Variants in TAF2 observed in about 807,000 individuals in gnomAD.
TAF2 encodes TATA-box binding protein associated factor 2, also known as transcription initiation factor TFIID subunit 2.
In TAF2, 61 loss-of-function variants were observed where a neutral mutation model predicts 138.5. The ratio of observed to expected loss-of-function variants is 0.44; its 90% CI spans 0.36 to 0.54. The LOEUF (loss-of-function observed/expected upper bound fraction) is 0.54, where lower values mean the gene tolerates loss of function less well. Among genes scored for constraint, TAF2 ranks in the 20% least tolerant of loss-of-function variants. The probability of loss-of-function intolerance (pLI) is 0.00; values close to 1 mark genes in which losing one functional copy is unlikely to be tolerated. For missense variants in TAF2, 1,090 were observed against 1,427.9 expected, an observed-to-expected ratio of 0.76 and a Z score of 3.81; for synonymous variants, 475 against 469.9, an observed-to-expected ratio of 1.01 and a Z score of -0.14.
At chr8:119,735,287 C>T (rs868175170) in intron 25 of TAF2, among the ~76,000 whole-genome samples, 2 of 152,216 alleles carry the variant, frequency 1.3e-5, no homozygotes, top group Middle Eastern at 3.4e-3. Flanking sequence ...TCCCCTACCC[C>T]GCCCCCTCTA....
chr8:119,786,644 G>A (rs1359084961), intron 14 of TAF2, among the ~76,000 whole-genome samples: 3 of 152,130 alleles, frequency 2.0e-5, no homozygotes, highest in African/African-American at 7.2e-5. Context: ...TACATAGGCC[G>A]GGCATGGTAG....
At position 119,803,979 on chromosome 8, in the gene TAF2, A is replaced by T. The variant is rs1824442087; in HGVS notation, c.459T>A (p.Asp153Glu). 1 of 1,614,100 alleles carries T rather than the reference A, an allele frequency of 6.2e-7. No homozygotes were observed. ...VLKIHINFSL[D>E]QPKGGLHFVV... The stretch of plus-strand genomic sequence containing the variant: ...CAAAATGAAGACCTCCTTTGGGCTG[A>T]TCCAAAGAAAAATTGATGTGTATCT... Residue 153 changes from aspartate to glutamate, a missense_variant, in exon 5 of 26, where the codon GAT (aspartate) becomes GAA (glutamate). Physicochemically the swap from Asp to Glu is conservative, Grantham distance 45. Transcript: ENST00000378164.
At chr8:119,805,724 T>A (rs542140454) in intron 4 of TAF2, among the ~76,000 whole-genome samples, 7 of 149,578 alleles carry the variant, frequency 4.7e-5, no homozygotes, top group South Asian at 4.3e-4. Flanking sequence ...CAAAAAAAAA[T>A]TTTTTTTTTA....
chr8:119,770,623 A>G (rs7843034), intron 18 of TAF2, among the ~76,000 whole-genome samples: 26,192 of 152,090 alleles, frequency 0.17, 4,050 homozygotes, highest in African/African-American at 0.42. Context: ...AAAGGATGAC[A>G]CTCACCAACA....
chr8:119,791,397 C>G lies in TAF2; in HGVS notation c.1340G>C (p.Ser447Thr), dbSNP rs9297605. The G allele has an allele frequency of 0.69, 1,115,914 of 1,612,938 alleles. 388,017 individuals are homozygous for G. The highest frequency in any genetic ancestry group is 0.81 in the Middle Eastern group (4,920 of 6,052). ...AAGGTGGGCTTTACACTGAAACATA[C>G]TGTAGTATTCCCAGGACAGTGTATG... ...HPHTLSWEYY[S>T]MFQCKAHLVM... Residue 447 changes from serine to threonine, a missense_variant, in exon 11 of 26, where the codon AGT becomes ACT. By Grantham distance (58) the Ser-to-Thr change is moderately conservative. Around this residue, in one of 3 missense-constraint regions of TAF2, gnomAD observed 504 missense variants for 680.9 expected, o/e 0.74. Transcript: ENST00000378164.
intron 18 of TAF2, among the ~76,000 whole-genome samples, chr8:119,771,437 T>C (rs13274245): frequency 1.3e-5 from 2 of 152,084 alleles, no homozygotes; most frequent in African/African-American, 4.8e-5. Flanking sequence ...GGTTTCACCA[T>C]GTTGGCCAGG....
chr8:119,746,412 A>G (rs1454911686), intron 23 of TAF2, among the ~76,000 whole-genome samples: 1 of 144,746 alleles, frequency 6.9e-6, no homozygotes, highest in Non-Finnish European at 1.5e-5. Context: ...ATTCGTTTCT[A>G]TCTTTTGCTA....
intron 20 of TAF2, 136 bp downstream of exon 20, chr8:119,760,463 T>C (rs1222698834): frequency 4.1e-6 from 4 of 975,072 alleles, no homozygotes; most frequent in Non-Finnish European, 5.9e-6. Flanking sequence ...TCAAAGATGA[T>C]TTCTAAATCA....
rs965207157 is a variant in TAF2, at chr8:119,764,145, C to CA, written c.2365-1538dup. Among the ~76,000 whole-genome samples, 12 of 150,338 alleles carry CA rather than the reference C, an allele frequency of 8.0e-5. No homozygotes were observed. The East Asian group carries it at 1.6e-3, about 19-fold the overall frequency. On this transcript the variant is annotated intron_variant, in intron 18 of 25. Transcript: ENST00000378164. ...TGGGTGAGAGAGCCAGACTCCATCT[C>CA]AAAAAAAATAAAATAAAATAAAATA...
intron 4 of TAF2, 109 bp downstream of exon 4, chr8:119,806,174 T>C (rs897097956): frequency 1.0e-6 from 1 of 978,674 alleles, no homozygotes; most frequent in Non-Finnish European, 1.6e-6. Flanking sequence ...AGTGCTGGGA[T>C]TACAGGCATG....
chr8:119,744,840 T>C (rs1328966891), intron 23 of TAF2: 1 of 441,378 alleles, frequency 2.3e-6, no homozygotes, highest in Non-Finnish European at 4.5e-6. Context: ...AGAAGGTGAA[T>C]ATCCTACACT....
At chr8:119,818,117 A>G (rs1278774475) in intron 3 of TAF2, among the ~76,000 whole-genome samples, 4 of 152,256 alleles carry the variant, frequency 2.6e-5, no homozygotes, top group Admixed American at 6.5e-5. Flanking sequence ...TCTAAAAATA[A>G]GCCTCCCTTC....
At chr8:119,822,799 T>C (rs1387078442) in intron 2 of TAF2, among the ~76,000 whole-genome samples, 3 of 152,160 alleles carry the variant, frequency 2.0e-5, no homozygotes, top group African/African-American at 7.2e-5. Flanking sequence ...CTGCCTGAAA[T>C]CCTCCTGTCC....
chr8:119,802,126 C>G lies in TAF2; in HGVS notation c.561-101G>C, dbSNP rs879091670. ...TTAGCATTTCTAGAAAATGAACAAA[C>G]AAAACCTTTAGCTATTTGGCTACTG... is the stretch of plus-strand genomic sequence containing the variant. On this transcript the variant is annotated intron_variant, in intron 5 of 25. Transcript: ENST00000378164. 5 of 1,042,406 alleles carry G rather than the reference C, an allele frequency of 4.8e-6. No homozygotes were observed. In the South Asian group the frequency reaches 7.2e-5, roughly 15 times the overall value. 64.6% of individuals were successfully genotyped at this position (1,042,406 alleles called of 1,614,324 possible). A position where few individuals can be genotyped will look rare whatever the true frequency, so the allele number is the denominator to read the frequency against.
In TAF2 at chr8:119,798,910, T is replaced by C. The variant is rs948581520; in HGVS notation, c.793-1064A>G. Among the ~76,000 whole-genome samples, 6 of 152,256 alleles carry C rather than the reference T, an allele frequency of 3.9e-5. No individual in the cohort carries two copies. In the East Asian group the frequency reaches 9.7e-4, roughly 25 times the overall value. ...TATTAATCATATTTAATCATAATTT[T>C]ATTTGTGTATGCAAATAAAAAATAC... is the stretch of plus-strand genomic sequence containing the variant. On this transcript the variant is annotated intron_variant, in intron 6 of 25. Transcript: ENST00000378164.
chr8:119,801,749 A>C, intron 6 of TAF2, 45 bp downstream of exon 6: 1 of 1,567,304 alleles, frequency 6.4e-7, no homozygotes, highest in Non-Finnish European at 8.8e-7. Context: ...TTTTAAAAGC[A>C]GTAAAGGGCC....
chr8:119,732,981 A>G (rs115913763), intron 25 of TAF2, among the ~76,000 whole-genome samples: 2,809 of 152,094 alleles, frequency 0.018, 86 homozygotes, highest in African/African-American at 0.064. Context: ...TTTTTTTTTT[A>G]ACCAAACACA....
At chr8:119,766,797 G>A (rs1821455526) in intron 18 of TAF2, among the ~76,000 whole-genome samples, 1 of 152,028 alleles carries the variant, frequency 6.6e-6, no homozygotes, top group African/African-American at 2.4e-5. Flanking sequence ...TCACACCGCT[G>A]TACTCCAGCC....
chr8:119,793,453 T>TA lies in TAF2; in HGVS notation c.1192-3dup. On this transcript the variant is annotated splice_region_variant and splice_polypyrimidine_tract_variant and intron_variant, in intron 9 of 25. Coordinates refer to ENST00000378164, the MANE Select transcript of TAF2 (RefSeq NM_003184.4). Reference sequence around the variant, plus strand: ...ATATGCCACTATTTTGTCTAGCTCCTAAAAAATATATAAAAATAGGAGTCA... The same window carrying TA: ...ATATGCCACTATTTTGTCTAGCTCCTAAAAAAATATATAAAAATAGGAGTCA... The TA allele has an allele frequency of 1.2e-6, 2 of 1,607,854 alleles. No homozygotes were observed. The highest frequency in any genetic ancestry group is 1.7e-6 in the Non-Finnish European group (2 of 1,175,674).
Sources: allele counts gnomAD v4.1 joint callset (sites outside exome capture counted in the v4.1 genomes callset), GRCh38; gene constraint gnomAD v4.1.1; regional missense constraint gnomAD v4.1.1; transcripts MANE v1.5; gene names NCBI Gene and HGNC (gene_info 2026-07-23, HGNC 2026-07-21).